The following BCR variants were observed in gnomAD, a reference collection of about 807,000 sequenced individuals.
The protein encoded by BCR is breakpoint cluster region protein.
BCR carries 58 observed loss-of-function variants against 138.6 expected under a neutral mutation model. The ratio of observed to expected loss-of-function variants is 0.42; its 90% CI spans 0.34 to 0.52. The LOEUF is 0.52. Ranked by LOEUF, BCR falls within the 20% of genes least tolerant of loss-of-function variation. The pLI, the probability that BCR is intolerant of heterozygous loss-of-function variation, is 0.06. For missense variants in BCR, 1,599 were observed against 1,727.2 expected, an observed-to-expected ratio of 0.93 and a Z score of 1.32; for synonymous variants, 786 against 730.1, an observed-to-expected ratio of 1.08 and a Z score of -1.23.
intron 1 of BCR, among the ~76,000 whole-genome samples, chr22:23,184,302 G>A (rs534424972): frequency 6.6e-6 from 1 of 151,920 alleles, no homozygotes; most frequent in Non-Finnish European, 1.5e-5. Flanking sequence ...TGTTGCCCAG[G>A]CTGGTATCAA....
chr22:23,182,743 A>G (rs1270945086), intron 1 of BCR, among the ~76,000 whole-genome samples: 3 of 152,176 alleles, frequency 2.0e-5, no homozygotes, highest in African/African-American at 7.2e-5. Flanking sequence ...GAGATATGCT[A>G]GCTGCTCCTA....
intron 1 of BCR, among the ~76,000 whole-genome samples, chr22:23,227,768 T>G (rs1478964876): frequency 6.6e-6 from 1 of 152,232 alleles, no homozygotes; most frequent in East Asian, 1.9e-4. Context: ...GGAGATTCAG[T>G]TTCCAGGGTG....
Position 23,317,098 on chromosome 22 carries a change from G to C in BCR, c.*1576G>C. ...CTGTCTGGCACCCGCTCCCAAGGTG[G>C]GAGGAGTGGGTGTCCCCTGTGTGTC... On this transcript the variant is annotated 3_prime_UTR_variant, in exon 23 of 23. Coordinates refer to ENST00000305877, the MANE Select transcript of BCR (RefSeq NM_004327.4). 5.2e-6 allele frequency: 1 copy of C among 191,152 alleles called. No individual in the cohort carries two copies. The highest frequency in any genetic ancestry group is 1.0e-5 in the Non-Finnish European group (1 of 96,532). 11.8% of individuals were successfully genotyped at this position (191,152 alleles called of 1,614,324 possible).
chr22:23,196,028 T>C (rs1213639020), intron 1 of BCR, among the ~76,000 whole-genome samples: 1 of 152,256 alleles, frequency 6.6e-6, no homozygotes, highest in African/African-American at 2.4e-5. Context: ...TCAGCCACTT[T>C]CTGCAGTCAC....
chr22:23,232,108 T>G (rs2146244563), intron 1 of BCR, among the ~76,000 whole-genome samples: 1 of 152,364 alleles, frequency 6.6e-6, no homozygotes, highest in East Asian at 1.9e-4. Context: ...TCCATGGTTG[T>G]TGGAAGCCTG....
intron 5 of BCR, among the ~76,000 whole-genome samples, chr22:23,269,625 C>T (rs1027021833): frequency 5.3e-5 from 8 of 152,182 alleles, no homozygotes; most frequent in African/African-American, 9.7e-5. Flanking sequence ...CACCCTGCTC[C>T]GCCAGGTGCT....
At chr22:23,273,795 C>T (rs372221162) in intron 8 of BCR, 21 bp downstream of exon 8, 60 of 1,613,130 alleles carry the variant, frequency 3.7e-5, no homozygotes, top group African/African-American at 6.7e-5. Flanking sequence ...CAGGGGATGG[C>T]TTGGGTCCAC....
intron 1 of BCR, among the ~76,000 whole-genome samples, chr22:23,206,386 T>C (rs9612261): frequency 1.3e-5 from 2 of 151,832 alleles, no homozygotes; most frequent in African/African-American, 4.8e-5. Context: ...CATCCTGGCT[T>C]ACACGGTGAA....
chr22:23,193,016 A>C (rs547374094), intron 1 of BCR, among the ~76,000 whole-genome samples: 33 of 152,156 alleles, frequency 2.2e-4, no homozygotes, highest in Non-Finnish European at 3.5e-4. Context: ...ACAGAGAGAG[A>C]GAGCCAGGCA....
At position 23,315,636 on chromosome 22, in the gene BCR, G is replaced by A. The variant is rs527682072; in HGVS notation, c.*114G>A. 27 of 999,150 alleles carry A rather than the reference G, an allele frequency of 2.7e-5. No individual in the cohort carries two copies. The highest frequency in any genetic ancestry group is 1.5e-4 in the East Asian group (6 of 39,066). 61.9% of individuals were successfully genotyped at this position (999,150 alleles called of 1,614,324 possible). A position where few individuals can be genotyped will look rare whatever the true frequency, so the allele number is the denominator to read the frequency against. On this transcript the variant is annotated 3_prime_UTR_variant, in exon 23 of 23. Transcript: ENST00000305877. Reference sequence around the variant, plus strand: ...TGTCCTTGGGCCACCCCCAAGTGTTGGGCCATCTGCCAAGAGACAGCGACC... The same window carrying A: ...TGTCCTTGGGCCACCCCCAAGTGTTAGGCCATCTGCCAAGAGACAGCGACC...
intron 1 of BCR, among the ~76,000 whole-genome samples, chr22:23,248,348 CAA>C (rs55944854): frequency 5.3e-5 from 6 of 113,844 alleles, no homozygotes; most frequent in Admixed American, 9.1e-5. Context: ...GACTCCATCT[CAA>C]AAAAAAAAAA....
At chr22:23,182,794 T>G (rs1041728658) in intron 1 of BCR, among the ~76,000 whole-genome samples, 1 of 152,188 alleles carries the variant, frequency 6.6e-6, no homozygotes. Context: ...CCAGCAGTCC[T>G]GAACACAAGT....
At chr22:23,245,129 A>G (rs1166627157) in intron 1 of BCR, among the ~76,000 whole-genome samples, 3 of 152,146 alleles carry the variant, frequency 2.0e-5, no homozygotes, top group African/African-American at 7.2e-5. Context: ...TCAACCTTCA[A>G]GCAGGCAGAG....
At chr22:23,294,572 CGTATTTTTA>C (rs1568978320) in intron 15 of BCR, among the ~76,000 whole-genome samples, 1 of 152,068 alleles carries the variant, frequency 6.6e-6, no homozygotes, top group Non-Finnish European at 1.5e-5. Flanking sequence ...TACTATTTTT[CGTATTTTTA>C]GTAGGATGGG....
At chr22:23,223,477 A>T (rs936603287) in intron 1 of BCR, among the ~76,000 whole-genome samples, 1 of 152,062 alleles carries the variant, frequency 6.6e-6, no homozygotes, top group Non-Finnish European at 1.5e-5. Flanking sequence ...ACTCCCTCCT[A>T]TGGTGCCTCT....
intron 1 of BCR, among the ~76,000 whole-genome samples, chr22:23,210,676 G>A (rs2072671092): frequency 6.6e-6 from 1 of 152,138 alleles, no homozygotes; most frequent in Non-Finnish European, 1.5e-5. Context: ...CGACACCACT[G>A]ATGTGCTTTC....
At chr22:23,246,983 T>A (rs2073164652) in intron 1 of BCR, among the ~76,000 whole-genome samples, 1 of 151,728 alleles carries the variant, frequency 6.6e-6, no homozygotes, top group African/African-American at 2.4e-5. Flanking sequence ...GAGCGTGGGG[T>A]GCAGAGCCAG....
chr22:23,194,118 C>A (rs1424499859), intron 1 of BCR, among the ~76,000 whole-genome samples: 3 of 152,232 alleles, frequency 2.0e-5, no homozygotes, highest in Non-Finnish European at 4.4e-5. Flanking sequence ...GTAGCCTGTT[C>A]CCTCTGTGGG....
Position 23,202,210 on chromosome 22 carries a change from A to G in BCR, c.1279+19971A>G, listed in dbSNP as rs2072560750. On this transcript the variant is annotated intron_variant, in intron 1 of 22. Coordinates refer to ENST00000305877, the MANE Select transcript of BCR (RefSeq NM_004327.4). ...TGAACTTCTCTCTCTTTTTTTAAAT[A>G]GCTTCACTGAGGTAATTCATGTACC... Among the ~76,000 whole-genome samples, 3 of 152,124 alleles carry G rather than the reference A, an allele frequency of 2.0e-5. No homozygotes were observed. In the South Asian group the frequency reaches 6.2e-4, roughly 31 times the overall value.
Sources: gnomAD v4.1 joint callset for allele counts (sites outside exome capture counted in the v4.1 genomes callset) on GRCh38, gnomAD v4.1.1 for gene constraint, MANE v1.5 for transcripts, NCBI Gene and HGNC (gene_info 2026-07-23, HGNC 2026-07-21) for gene names.